Variants in PEBP4 observed in about 807,000 individuals in gnomAD.
The protein encoded by PEBP4 is phosphatidylethanolamine binding protein 4, also known as phosphatidylethanolamine-binding protein 4.
In PEBP4, 22 loss-of-function variants were observed where a neutral mutation model predicts 23.9. The observed-to-expected ratio is 0.92, with a 90% CI of 0.66 to 1.31. The LOEUF is 1.31. Ranked by LOEUF, PEBP4 falls within the 40% of genes most tolerant of loss-of-function variation. PEBP4 has a pLI of 0.00. For missense variants in PEBP4, 324 were observed against 281.7 expected (o/e 1.15, Z -1.07); for synonymous variants, 112 against 99.3 (o/e 1.13, Z -0.76).
At chr8:22,737,506 A>T (rs1481292625) in intron 4 of PEBP4, among the ~76,000 whole-genome samples, 1 of 151,990 alleles carries the variant, frequency 6.6e-6, no homozygotes, top group Non-Finnish European at 1.5e-5. Flanking sequence ...CCCTCCAGGA[A>T]ATTCCCCGCT....
At chr8:22,744,704 C>T (rs926005555) in intron 4 of PEBP4, 5 of 152,358 alleles carry the variant, frequency 3.3e-5, no homozygotes, top group Non-Finnish European at 7.3e-5. Context: ...ACAGCTCCTA[C>T]ATCCTTGGAT....
intron 4 of PEBP4, among the ~76,000 whole-genome samples, chr8:22,800,433 C>T (rs1419694022): frequency 6.6e-6 from 1 of 152,080 alleles, no homozygotes; most frequent in African/African-American, 2.4e-5. Context: ...TCTAGCTCTA[C>T]GGTCTACAAA....
chr8:22,857,568 G>A (rs1448396501), intron 3 of PEBP4, among the ~76,000 whole-genome samples: 2 of 152,180 alleles, frequency 1.3e-5, no homozygotes. Context: ...TGGCCTGGTT[G>A]GTAGGGTCCT....
intron 2 of PEBP4, among the ~76,000 whole-genome samples, chr8:22,922,194 A>T (rs957493591): frequency 2.0e-5 from 3 of 152,144 alleles, no homozygotes; most frequent in African/African-American, 7.2e-5. Flanking sequence ...CAGCGTTTGA[A>T]CATAGCGTAT....
intron 3 of PEBP4, among the ~76,000 whole-genome samples, chr8:22,916,098 G>C (rs979912959): frequency 1.3e-5 from 2 of 152,182 alleles, no homozygotes; most frequent in African/African-American, 4.8e-5. Context: ...ATAGTGCCTG[G>C]GCCAAGCCTG....
intron 4 of PEBP4, among the ~76,000 whole-genome samples, chr8:22,771,117 C>A (rs530198459): frequency 6.6e-6 from 1 of 152,248 alleles, no homozygotes; most frequent in Non-Finnish European, 1.5e-5. Context: ...CCCCACAGGA[C>A]TGAACACCTA....
intron 4 of PEBP4, among the ~76,000 whole-genome samples, chr8:22,803,292 C>T (rs545153301): frequency 1.3e-5 from 2 of 152,278 alleles, no homozygotes; most frequent in East Asian, 1.9e-4. Flanking sequence ...GCAAATATCA[C>T]GTTCGTATCC....
In PEBP4 at chr8:22,898,389, C is replaced by CA. The variant is rs1563253456; in HGVS notation, c.258+21794_258+21795insT. Among the ~76,000 whole-genome samples, 556 of 86,660 alleles carry CA rather than the reference C, an allele frequency of 6.4e-3. 160 individuals are homozygous for CA. Among genetic ancestry groups the CA allele is most frequent in the East Asian group, 8.4e-3 (18 of 2,140 alleles). 56.9% of individuals were successfully genotyped at this position (86,660 alleles called of 152,430 possible). ...CCTGAGCGACAGAGGAAGACTCCAC[C>CA]CCAAAAAAAAAAAAAAAAAAAAAAA... On this transcript the variant is annotated intron_variant, in intron 3 of 6. Transcript: ENST00000256404.
At chr8:22,902,277 C>T (rs879942322) in intron 3 of PEBP4, among the ~76,000 whole-genome samples, 2 of 152,090 alleles carry the variant, frequency 1.3e-5, no homozygotes, top group African/African-American at 2.4e-5. Flanking sequence ...TGCGGTGAGC[C>T]GAGTTCACCC....
intron 4 of PEBP4, among the ~76,000 whole-genome samples, chr8:22,756,637 C>T (rs936499356): frequency 6.6e-6 from 1 of 152,212 alleles, no homozygotes; most frequent in Admixed American, 6.5e-5. Context: ...TAAAAAGATG[C>T]CAGGAGCAGA....
intron 3 of PEBP4, chr8:22,895,961 G>C (rs971855785): frequency 2.0e-5 from 3 of 152,256 alleles, no homozygotes; most frequent in African/African-American, 7.2e-5. Context: ...CTCTCTGCCT[G>C]TGCTCCCAGT....
In PEBP4 at chr8:22,862,642, T is replaced by A. The variant is rs1241091178; in HGVS notation, c.259-44907A>T. Reference sequence around the variant, plus strand: ...CTAAAGGCTTAAACACAAACTCTTTTAAGCTTCAAAGGATTCTCATATATA... The same window carrying A: ...CTAAAGGCTTAAACACAAACTCTTTAAAGCTTCAAAGGATTCTCATATATA... On this transcript the variant is annotated intron_variant, in intron 3 of 6. Transcript: ENST00000256404. Among the ~76,000 whole-genome samples the A allele has an allele frequency of 2.0e-5, 3 of 152,252 alleles. No individual in the cohort carries two copies. In the East Asian group the frequency reaches 5.8e-4, roughly 29 times the overall value.
chr8:22,838,778 A>G (rs376126632), intron 3 of PEBP4, among the ~76,000 whole-genome samples: 2 of 152,370 alleles, frequency 1.3e-5, no homozygotes, highest in South Asian at 2.1e-4. Flanking sequence ...CCCTAGTGTG[A>G]AGGAATTTGA....
At chr8:22,894,770 C>T (rs1252163000) in intron 3 of PEBP4, among the ~76,000 whole-genome samples, 1 of 152,146 alleles carries the variant, frequency 6.6e-6, no homozygotes, top group Non-Finnish European at 1.5e-5. Context: ...ACAGCCTCAT[C>T]AGGTCTCTTA....
rs138429198 is a variant in PEBP4, at chr8:22,809,711, A to T, written c.357+7926T>A. 2.3e-4 allele frequency among the ~76,000 whole-genome samples: 35 copies of T among 152,130 alleles called. No individual in the cohort carries two copies. In the East Asian group the frequency reaches 6.4e-3, roughly 28 times the overall value. On this transcript the variant is annotated intron_variant, in intron 4 of 6. Transcript: ENST00000256404. The stretch of plus-strand genomic sequence containing the variant: ...GCATCACTTGCCAAGTGCATCAATG[A>T]TGTTTTTCTTATTTTCCTTCTTCCT...
chr8:22,839,921 G>A (rs528303511), intron 3 of PEBP4, among the ~76,000 whole-genome samples: 12 of 152,316 alleles, frequency 7.9e-5, no homozygotes, highest in African/African-American at 2.9e-4. Context: ...ACTTGTTGGG[G>A]AAAGAAAGAA....
At chr8:22,845,953 C>T (rs184952480) in intron 3 of PEBP4, among the ~76,000 whole-genome samples, 6 of 152,330 alleles carry the variant, frequency 3.9e-5, no homozygotes, top group Non-Finnish European at 1.5e-5. Context: ...CTCCTGTATT[C>T]CTGCTTGCTG....
At chr8:22,812,060 C>T (rs1806642089) in intron 4 of PEBP4, among the ~76,000 whole-genome samples, 1 of 152,174 alleles carries the variant, frequency 6.6e-6, no homozygotes. Flanking sequence ...AGAAACTGAG[C>T]CTCAGAGGCT....
At chr8:22,746,426 G>A (rs1805119371) in intron 4 of PEBP4, among the ~76,000 whole-genome samples, 1 of 152,180 alleles carries the variant, frequency 6.6e-6, no homozygotes, top group Non-Finnish European at 1.5e-5. Context: ...GACTAGGATG[G>A]AGGGTGCGGT....
Sources: allele counts gnomAD v4.1 joint callset (sites outside exome capture counted in the v4.1 genomes callset), GRCh38; gene constraint gnomAD v4.1.1; transcripts MANE v1.5; gene names NCBI Gene and HGNC (gene_info 2026-07-23, HGNC 2026-07-21).